The following HPSE2 variants were observed in gnomAD, a reference collection of about 807,000 sequenced individuals.
HPSE2 encodes inactive heparanase-2.
A neutral mutation model predicts 60.5 loss-of-function variants in HPSE2; 38 were observed. That is an observed-to-expected ratio of 0.63 (90% CI 0.48 to 0.82). The LOEUF (loss-of-function observed/expected upper bound fraction) is 0.82. HPSE2 is among the 40% of genes least tolerant of loss of function. The pLI is 0.00. For synonymous variants in HPSE2, 295 were observed against 293.2 expected (o/e 1.01, Z -0.06); for missense variants, 713 against 740.4 (o/e 0.96, Z 0.43).
intron 11 of HPSE2, chr10:98,461,871 A>G: frequency 7.7e-7 from 1 of 1,305,254 alleles, no homozygotes; most frequent in South Asian, 1.3e-5. Context: ...AATCTATACT[A>G]ATAAGGAGTA....
intron 3 of HPSE2, among the ~76,000 whole-genome samples, chr10:98,766,216 A>T (rs1320444317): frequency 6.6e-6 from 1 of 152,188 alleles, no homozygotes; most frequent in Non-Finnish European, 1.5e-5. Context: ...CAAACTACCA[A>T]AATTCATTCG....
At chr10:98,600,911 G>GTATATGTGTGTGTGTGTA (rs1554950518) in intron 9 of HPSE2, among the ~76,000 whole-genome samples, 3 of 73,702 alleles carry the variant, frequency 4.1e-5, no homozygotes, top group South Asian at 5.9e-4. Flanking sequence ...ATGTGTGTGT[G>GTATATGTGTGTGTGTGTA]TATATATATA....
intron 3 of HPSE2, among the ~76,000 whole-genome samples, chr10:98,929,894 T>C (rs1471997933): frequency 6.9e-6 from 1 of 144,096 alleles, no homozygotes; most frequent in African/African-American, 2.8e-5. Context: ...TAAAGTTTTA[T>C]TGGCACATAG....
At chr10:98,914,033 G>C (rs550265454) in intron 3 of HPSE2, among the ~76,000 whole-genome samples, 52 of 152,242 alleles carry the variant, frequency 3.4e-4, no homozygotes, top group African/African-American at 1.2e-3. Context: ...AAAAATAAGA[G>C]GTTGATATGG....
intron 2 of HPSE2, among the ~76,000 whole-genome samples, chr10:99,191,164 GACA>G (rs1454421368): frequency 1.3e-5 from 2 of 152,056 alleles, no homozygotes; most frequent in East Asian, 3.9e-4. Flanking sequence ...CTGGCTCCCA[GACA>G]ACACCTCTGG....
At chr10:98,503,272 A>G (rs554526110) in intron 9 of HPSE2, among the ~76,000 whole-genome samples, 7 of 152,170 alleles carry the variant, frequency 4.6e-5, no homozygotes, top group Non-Finnish European at 7.3e-5. Flanking sequence ...AACACTCAAC[A>G]TAACTAATGA....
intron 3 of HPSE2, among the ~76,000 whole-genome samples, chr10:98,969,125 T>C (rs1213545302): frequency 1.3e-5 from 2 of 152,174 alleles, no homozygotes; most frequent in Non-Finnish European, 2.9e-5. Context: ...AATGATTATC[T>C]GTAATTTTAC....
intron 6 of HPSE2, among the ~76,000 whole-genome samples, chr10:98,684,769 G>A (rs949993933): frequency 1.3e-5 from 2 of 151,804 alleles, no homozygotes; most frequent in African/African-American, 4.8e-5. Context: ...GGAGGAGCTG[G>A]GCACTGATGA....
At chr10:98,549,545 TGGGTCTCCCTTGC>T in intron 9 of HPSE2, among the ~76,000 whole-genome samples, 1 of 152,308 alleles carries the variant, frequency 6.6e-6, no homozygotes, top group Admixed American at 6.5e-5. Context: ...TACAGTACTG[TGGGTCTCCCTTGC>T]AGCACTGACA....
intron 9 of HPSE2, among the ~76,000 whole-genome samples, chr10:98,515,245 G>A (rs1013693159): frequency 6.6e-6 from 1 of 152,062 alleles, no homozygotes; most frequent in Non-Finnish European, 1.5e-5. Context: ...TAGATCTCCT[G>A]TGTTGCCCTG....
intron 3 of HPSE2, among the ~76,000 whole-genome samples, chr10:99,051,008 T>A (rs1957978672): frequency 6.6e-6 from 1 of 152,098 alleles, no homozygotes; most frequent in Admixed American, 6.6e-5. Context: ...TTGTACCCCA[T>A]AAATATATAC....
chr10:98,943,070 G>T (rs1415257217), intron 3 of HPSE2, among the ~76,000 whole-genome samples: 1 of 123,594 alleles, frequency 8.1e-6, no homozygotes, highest in Non-Finnish European at 1.6e-5. Context: ...ATCACACTCT[G>T]GGGACTGTTG....
chr10:99,185,777 AAAAAAGAAAAAG>A (rs1316623950), intron 2 of HPSE2, among the ~76,000 whole-genome samples: 4 of 152,148 alleles, frequency 2.6e-5, no homozygotes, highest in Admixed American at 2.6e-4. Flanking sequence ...CCATCTCAAA[AAAAAAGAAAAAG>A]AAAAAGAAAA....
chr10:98,736,071 T>G (rs1203025715), intron 4 of HPSE2, among the ~76,000 whole-genome samples: 2 of 152,126 alleles, frequency 1.3e-5, no homozygotes, highest in Non-Finnish European at 2.9e-5. Context: ...TAATTGTAGC[T>G]TCCATAATTC....
intron 2 of HPSE2, among the ~76,000 whole-genome samples, chr10:99,154,637 G>A (rs1222548070): frequency 5.9e-5 from 9 of 151,642 alleles, no homozygotes; most frequent in South Asian, 2.1e-4. Context: ...GGTACCAGCC[G>A]CTGCAAAATC....
chr10:99,177,235 T>A (rs1341110768), intron 2 of HPSE2, among the ~76,000 whole-genome samples: 25 of 151,422 alleles, frequency 1.7e-4, no homozygotes, highest in Admixed American at 7.9e-4. Flanking sequence ...AAAAAACAGC[T>A]AACATCATAA....
chr10:99,223,179 C>T (rs1849368026), intron 2 of HPSE2, among the ~76,000 whole-genome samples: 1 of 152,142 alleles, frequency 6.6e-6, no homozygotes, highest in Admixed American at 6.5e-5. Context: ...GGGCAAATTA[C>T]TTAACCTCTC....
At position 98,461,487 on chromosome 10, in the gene HPSE2, T is replaced by C. The variant is rs556686934; in HGVS notation, c.1614-1748A>G. 3.3e-5 allele frequency among the ~76,000 whole-genome samples: 5 copies of C among 152,340 alleles called. No individual in the cohort carries two copies. The East Asian group carries it at 9.6e-4, about 29-fold the overall frequency. On this transcript the variant is annotated intron_variant, in intron 11 of 11. Transcript: ENST00000370552. ...CTTCCAAATATGAGAAGTGACCCTC[T>C]GTAGTGAAGACAGCCTACTCATTGG...
chr10:98,599,643 G>C (rs972766280), intron 9 of HPSE2, among the ~76,000 whole-genome samples: 9 of 152,296 alleles, frequency 5.9e-5, no homozygotes, highest in South Asian at 2.1e-4. Context: ...TCCCCCAAGT[G>C]CAGGGTATCT....
Sources: allele counts gnomAD v4.1 joint callset (sites outside exome capture counted in the v4.1 genomes callset), GRCh38; gene constraint gnomAD v4.1.1; transcripts MANE v1.5; gene names NCBI Gene and HGNC (gene_info 2026-07-23, HGNC 2026-07-21).